Variants in CHD3 observed in about 807,000 individuals in gnomAD.
CHD3 encodes ATP-dependent chromatin remodeler CHD3.
Under a neutral mutation model 248.9 loss-of-function variants are expected in CHD3, and 52 were observed. The ratio of observed to expected loss-of-function variants is 0.21; its 90% CI spans 0.17 to 0.26. The LOEUF is 0.26. Among genes scored for constraint, CHD3 ranks in the 10% least tolerant of loss-of-function variants. The probability of loss-of-function intolerance (pLI) is 1.00; values close to 1 mark genes in which losing one functional copy is unlikely to be tolerated. For missense variants in CHD3, 1,482 were observed against 2,605.8 expected (o/e 0.57, Z 9.39); for synonymous variants, 985 against 985.2 (o/e 1.00, Z 0.00).
chr17:7,905,047 TG>T lies in CHD3; in HGVS notation c.4073-50del. On this transcript the variant is annotated intron_variant, in intron 25 of 39. Coordinates refer to ENST00000330494, the MANE Select transcript of CHD3 (RefSeq NM_001005273.3). This position sits in a 1 kb window ranked among gnomAD's most constrained non-coding sequence, Gnocchi z 5.8. ...AATCCAGCCAGAAAGGGCCTCAGCA[TG>T]GGCATATCCCGAGAGCCCTCCCTGA... The T allele has an allele frequency of 6.6e-7, 1 of 1,518,310 alleles. No individual in the cohort carries two copies. The highest frequency in any genetic ancestry group is 2.3e-5 in the East Asian group (1 of 44,394). The allele number at this position is 1,518,310 out of a possible 1,614,324, so 94.1% of individuals were successfully genotyped here.
upstream of CHD3, among the ~76,000 whole-genome samples, chr17:7,886,974 T>G (rs1968057670): frequency 6.6e-6 from 1 of 152,130 alleles, no homozygotes; most frequent in Admixed American, 6.5e-5. This position sits in a 1 kb window ranked among gnomAD's most constrained non-coding sequence, Gnocchi z 4.2. Flanking sequence ...ATTTTACAAC[T>G]GAAATGAAAA....
At position 7,912,030 on chromosome 17, in the gene CHD3, A is replaced by G. The variant is rs1971724285; in HGVS notation, c.*445A>G. 6.6e-6 allele frequency: 2 copies of G among 302,030 alleles called. No homozygotes were observed. Among genetic ancestry groups the G allele is most frequent in the Non-Finnish European group, 1.3e-5 (2 of 155,718 alleles). 18.7% of individuals were successfully genotyped at this position (302,030 alleles called of 1,614,324 possible). A position where few individuals can be genotyped will look rare whatever the true frequency, so the allele number is the denominator to read the frequency against. On this transcript the variant is annotated 3_prime_UTR_variant, in exon 40 of 40. Coordinates refer to ENST00000330494, the MANE Select transcript of CHD3 (RefSeq NM_001005273.3). ...TGGGGAAGAGAGCTTTGAAGAGAGG[A>G]GGGGGACTTTAGAGAGGGATGAAAA... is the stretch of plus-strand genomic sequence containing the variant.
Position 7,889,898 on chromosome 17 carries a change from TC to T in CHD3, c.213+127del. The T allele has an allele frequency of 1.0e-6, 1 of 963,644 alleles. No homozygotes were observed. The highest frequency in any genetic ancestry group is 1.5e-6 in the Non-Finnish European group (1 of 645,248). The allele number at this position is 963,644 out of a possible 1,614,324, so 59.7% of individuals were successfully genotyped here. A position where few individuals can be genotyped will look rare whatever the true frequency, so the allele number is the denominator to read the frequency against. Reference sequence around the variant, plus strand: ...GGGTTCTGAAGCCAGGGAGGCTTGATCCCCCGGGCCCCCCACTTCCCTGCCA... The same window carrying T: ...GGGTTCTGAAGCCAGGGAGGCTTGATCCCCGGGCCCCCCACTTCCCTGCCA... On this transcript the variant is annotated intron_variant, in intron 2 of 39. Coordinates refer to ENST00000330494, the MANE Select transcript of CHD3 (RefSeq NM_001005273.3). The surrounding 1 kb of genome is among the most constrained non-coding windows in gnomAD (Gnocchi z 4.5).
Position 7,895,311 on chromosome 17 carries a change from C to G in CHD3, c.1504-28C>G. The G allele has an allele frequency of 6.2e-7, 1 of 1,611,032 alleles. No individual in the cohort carries two copies. Among genetic ancestry groups the G allele is most frequent in the African/African-American group, 1.3e-5 (1 of 74,904 alleles). On this transcript the variant is annotated intron_variant, in intron 9 of 39. Transcript: ENST00000330494. This position sits in a 1 kb window ranked among gnomAD's most constrained non-coding sequence, Gnocchi z 4.9. ...TGGGTTCTTTCTGCCTCTTTCTTTC[C>G]TCCTCCTTGTACGTGTCCATCCCAA...
In CHD3 at chr17:7,911,087, G is replaced by C. The variant is rs537697178; in HGVS notation, c.5881+114G>C. On this transcript the variant is annotated intron_variant, in intron 39 of 39. Coordinates refer to ENST00000330494, the MANE Select transcript of CHD3 (RefSeq NM_001005273.3). The surrounding 1 kb of genome is among the most constrained non-coding windows in gnomAD (Gnocchi z 5.4). ...CCATCTCATTTCCTTGGTGGTATCC[G>C]GTGTTTTATGGGATAGAGTTGTTCT... is the stretch of plus-strand genomic sequence containing the variant. The C allele has an allele frequency of 1.4e-6, 2 of 1,422,456 alleles. No homozygotes were observed. Among genetic ancestry groups the C allele is most frequent in the African/African-American group, 2.9e-5 (2 of 69,670 alleles). The allele number at this position is 1,422,456 out of a possible 1,614,324, so 88.1% of individuals were successfully genotyped here. A position where few individuals can be genotyped will look rare whatever the true frequency, so the allele number is the denominator to read the frequency against.
In CHD3 at chr17:7,907,678, G is replaced by T; in HGVS notation, c.5002G>T (p.Glu1668Ter). The change falls in exon 33 of 40, where the codon GAA (glutamate) becomes TAA (stop). Residue 1668 changes from glutamate (E) to a stop codon, truncating the protein, a stop_gained. Coordinates refer to ENST00000330494, the MANE Select transcript of CHD3 (RefSeq NM_001005273.3). LOFTEE classifies it high-confidence loss of function. This position sits in a 1 kb window ranked among gnomAD's most constrained non-coding sequence, Gnocchi z 4.3. ...GGAACACAGGGAGAGGCCGGAGGGGGAAACAGGGGATTTGGGCAAGAGAGG... is the reference window on the plus strand; with the variant it reads ...GGAACACAGGGAGAGGCCGGAGGGGTAAACAGGGGATTTGGGCAAGAGAGG... ...GQEHRERPEG[E>*]TGDLGKREDV... 1.3e-6 allele frequency: 2 copies of T among 1,536,264 alleles called. No individual in the cohort carries two copies. The highest frequency in any genetic ancestry group is 5.2e-5 in the Admixed American group (2 of 38,440).
chr17:7,885,971 C>G (rs528425139), upstream of CHD3, among the ~76,000 whole-genome samples: 151 of 152,336 alleles, frequency 9.9e-4, no homozygotes, highest in African/African-American at 3.4e-3. Context: ...GGCTCCACCC[C>G]CTTCATCTCG....
In CHD3 at chr17:7,900,909, T is replaced by C. The variant is rs768604956; in HGVS notation, c.3036T>C (p.Gly1012=). The C allele has an allele frequency of 1.2e-6, 2 of 1,614,168 alleles. No individual in the cohort carries two copies. The highest frequency in any genetic ancestry group is 2.2e-5 in the South Asian group (2 of 91,090). The change falls in exon 19 of 40, where the codon GGT becomes GGC. Residue 1012 remains glycine (G), a synonymous_variant. Transcript: ENST00000330494. The surrounding 1 kb of genome is among the most constrained non-coding windows in gnomAD (Gnocchi z 6.5). ...RNFEALNSRG[G]GNQVSLLNIM... The stretch of plus-strand genomic sequence containing the variant: ...TTGAGGCCTTGAATTCACGAGGTGG[T>C]GGGAACCAGGTGTCGCTGCTTAATA...
intron 4 of CHD3, 102 bp downstream of exon 4, chr17:7,891,166 G>A: frequency 7.3e-7 from 1 of 1,371,226 alleles, no homozygotes; most frequent in Non-Finnish European, 1.0e-6. Context: ...GCTCTCCAGA[G>A]AATTCACGGT....
At position 7,899,302 on chromosome 17, in the gene CHD3, C is replaced by T. The variant is rs751740188; in HGVS notation, c.2344-41C>T. ...CTGGCAGAGGACTAGGGTATACGGCCTCTAGCCTAGACTTATGCTGCCCCC... is the reference window on the plus strand; with the variant it reads ...CTGGCAGAGGACTAGGGTATACGGCTTCTAGCCTAGACTTATGCTGCCCCC... On this transcript the variant is annotated intron_variant, in intron 14 of 39. Coordinates refer to ENST00000330494, the MANE Select transcript of CHD3 (RefSeq NM_001005273.3). The surrounding 1 kb of genome is among the most constrained non-coding windows in gnomAD (Gnocchi z 6.8). The T allele has an allele frequency of 8.1e-6, 13 of 1,609,416 alleles. No individual in the cohort carries two copies. Among genetic ancestry groups the T allele is most frequent in the Non-Finnish European group, 8.5e-6 (10 of 1,176,112 alleles).
chr17:7,904,457 C>T lies in CHD3; in HGVS notation c.3910C>T (p.Arg1304Ter). The change falls in exon 25 of 40, where the codon CGA becomes TGA. Residue 1304 changes from arginine (R) to a stop codon, truncating the protein, a stop_gained. Transcript: ENST00000330494. LOFTEE classifies it high-confidence loss of function. This position sits in a 1 kb window ranked among gnomAD's most constrained non-coding sequence, Gnocchi z 4.4. ...TGCCCTTCAGATTGAGGAAATTGAG[C>T]GAGAGATCATCAAGCAGGAGGAGAA... ...REEDKIEEIE[R>*]EIIKQEENVD... 1 of 1,612,976 alleles carries T rather than the reference C, an allele frequency of 6.2e-7. No individual in the cohort carries two copies. Among genetic ancestry groups the T allele is most frequent in the East Asian group, 2.2e-5 (1 of 44,832 alleles).
rs1467789342 is a variant in CHD3 at position 7,904,543 on chromosome 17, C to T, written c.3996C>T (p.Asp1332=). 2.5e-6 allele frequency: 4 copies of T among 1,614,088 alleles called. No homozygotes were observed. The South Asian group carries it at 4.4e-5, about 18-fold the overall frequency. ...LRHHYEQQQE[D]LARNLGKGKR... is the part of the protein sequence containing the mutation. The stretch of plus-strand genomic sequence containing the variant: ...ATCACTATGAGCAACAGCAGGAAGA[C>T]CTAGCCCGGAATCTAGGCAAGGGCA... The change falls in exon 25 of 40, where the codon GAC becomes GAT. Residue 1332 remains aspartate, a synonymous_variant. Coordinates refer to ENST00000330494, the MANE Select transcript of CHD3 (RefSeq NM_001005273.3). This position sits in a 1 kb window ranked among gnomAD's most constrained non-coding sequence, Gnocchi z 4.4.
rs774851044 is a variant in CHD3 at position 7,902,986 on chromosome 17, C to T, written c.3420C>T (p.Gly1140=). 6.2e-7 allele frequency: 1 copy of T among 1,613,946 alleles called. No individual in the cohort carries two copies. The highest frequency in any genetic ancestry group is 1.3e-5 in the African/African-American group (1 of 74,868). Residue 1140 remains glycine (G), a synonymous_variant, in exon 22 of 40, where the codon GGC becomes GGT. Transcript: ENST00000330494. ...FCFLLSTRAG[G]LGINLATADT... Reference sequence around the variant, plus strand: ...TCCTCCTGTCCACCCGAGCTGGGGGCCTGGGCATCAATCTGGCCACTGCTG... The same window carrying T: ...TCCTCCTGTCCACCCGAGCTGGGGGTCTGGGCATCAATCTGGCCACTGCTG...
chr17:7,898,724 G>GT (rs1969977858), intron 13 of CHD3, 129 bp downstream of exon 13: 1 of 785,362 alleles, frequency 1.3e-6, no homozygotes, highest in East Asian at 2.7e-5. Flanking sequence ...TCAGCATCCA[G>GT]TCTTGCCCCA....
intron 19 of CHD3, 36 bp from the exon 20 acceptor site, chr17:7,901,208 C>T: frequency 6.4e-7 from 1 of 1,567,278 alleles, no homozygotes. Flanking sequence ...ATGTTTCCAA[C>T]TGACCCCCTC....
chr17:7,891,364 C>T (rs191243328), intron 4 of CHD3, among the ~76,000 whole-genome samples: 11 of 152,188 alleles, frequency 7.2e-5, no homozygotes, highest in Admixed American at 3.3e-4. Context: ...CCTCCCCTGC[C>T]CCAACAGCTC....
Position 7,907,119 on chromosome 17 carries a change from C to T in CHD3, c.4667-7C>T, listed in dbSNP as rs373721338. The T allele has an allele frequency of 5.2e-5, 84 of 1,614,022 alleles. No individual in the cohort carries two copies. Among genetic ancestry groups the T allele is most frequent in the Non-Finnish European group, 6.7e-5 (79 of 1,180,022 alleles). On this transcript the variant is annotated splice_region_variant and splice_polypyrimidine_tract_variant and intron_variant, in intron 30 of 39. Coordinates refer to ENST00000330494, the MANE Select transcript of CHD3 (RefSeq NM_001005273.3). The surrounding 1 kb of genome is among the most constrained non-coding windows in gnomAD (Gnocchi z 4.3). ...CTCTGTCTTTATCACTGTGCCTTCC[C>T]CTGCAGCTACTCCAGCTCCAAGTGA...
Position 7,906,449 on chromosome 17 carries a change from G to A in CHD3, c.4359-104G>A, listed in dbSNP as rs1261833175. On this transcript the variant is annotated intron_variant, in intron 28 of 39. Transcript: ENST00000330494. The surrounding 1 kb of genome is among the most constrained non-coding windows in gnomAD (Gnocchi z 5.0). ...AGGGGAGGAGCCCTGGAGCACCTGG[G>A]GATTTGGGGGTTTGGGGGTCCTCAG... 19 of 1,227,458 alleles carry A rather than the reference G, an allele frequency of 1.5e-5. No individual in the cohort carries two copies. The highest frequency in any genetic ancestry group is 7.0e-6 in the Non-Finnish European group (6 of 854,646). 76.0% of individuals were successfully genotyped at this position (1,227,458 alleles called of 1,614,324 possible).
chr17:7,898,067 A>G lies in CHD3; in HGVS notation c.2016A>G (p.Glu672=), dbSNP rs1312409190. 1 of 1,614,150 alleles carries G rather than the reference A, an allele frequency of 6.2e-7. No individual in the cohort carries two copies. The highest frequency in any genetic ancestry group is 1.1e-5 in the South Asian group (1 of 91,084). Residue 672 remains glutamate, a synonymous_variant, in exon 12 of 40, where the codon GAA becomes GAG. Transcript: ENST00000330494. The part of the protein sequence containing the change: ...TWEEDEMNIP[E]YEEHKQSYWR... ...AGGAAGATGAAATGAATATCCCTGA[A>G]TACGAAGAACATAAGCAAAGCTACT...
Sources: gnomAD v4.1 joint callset for allele counts (sites outside exome capture counted in the v4.1 genomes callset) on GRCh38, gnomAD v4.1.1 for gene constraint, Gnocchi (gnomAD v3.1) non-coding constraint, MANE v1.5 for transcripts, NCBI Gene and HGNC (gene_info 2026-07-23, HGNC 2026-07-21) for gene names.